The following PTH1R variants were observed in gnomAD, a reference collection of about 807,000 sequenced individuals.
PTH1R encodes parathyroid hormone 1 receptor, also known as parathyroid hormone/parathyroid hormone-related peptide receptor.
PTH1R carries 32 observed loss-of-function variants against 70.7 expected under a neutral mutation model. That is an observed-to-expected ratio of 0.45 (90% CI 0.34 to 0.61). The LOEUF is 0.61. Among genes scored for constraint, PTH1R ranks in the 20% least tolerant of loss-of-function variants. The pLI, the probability that PTH1R is intolerant of heterozygous loss-of-function variation, is 0.01. For synonymous variants in PTH1R, 329 were observed against 324.8 expected (o/e 1.01, Z -0.14); for missense variants, 626 against 792.5 (o/e 0.79, Z 2.52).
In PTH1R at chr3:46,899,436, G is replaced by A; in HGVS notation, c.968G>A (p.Gly323Asp). The change falls in exon 10 of 16, where the codon GGC (glycine) becomes GAC (aspartate). Residue 323 changes from glycine to aspartate, a missense_variant. Gly to Asp is a moderately conservative substitution (Grantham distance 94). Around this residue, in one of 3 missense-constraint regions of PTH1R, gnomAD observed 495 missense variants for 638.7 expected, o/e 0.77. Coordinates refer to ENST00000449590, the MANE Select transcript of PTH1R (RefSeq NM_000316.3). ...AFFSEKKYLW[G>D]FTVFGWGLPA... The stretch of plus-strand genomic sequence containing the variant: ...TTCTCAGAGAAGAAGTACCTGTGGG[G>A]CTTCACAGTCTTCGGCTGGGGTACG... 6.2e-7 allele frequency: 1 copy of A among 1,612,752 alleles called. No homozygotes were observed. Among genetic ancestry groups the A allele is most frequent in the Non-Finnish European group, 8.5e-7 (1 of 1,179,746 alleles).
intron 5 of PTH1R, among the ~76,000 whole-genome samples, chr3:46,897,201 C>T (rs1316198984): frequency 6.6e-6 from 1 of 152,202 alleles, no homozygotes; most frequent in African/African-American, 2.4e-5. Flanking sequence ...AGAGGCCTGG[C>T]CTGGGGCTGA....
intron 10 of PTH1R, among the ~76,000 whole-genome samples, chr3:46,899,872 G>A (rs1471280159): frequency 6.6e-6 from 1 of 152,166 alleles, no homozygotes; most frequent in Non-Finnish European, 1.5e-5. Flanking sequence ...TGGGGCGCGG[G>A]GCTGCCCACA....
intron 5 of PTH1R, 149 bp from the exon 6 acceptor site, chr3:46,897,706 G>C (rs1241690096): frequency 2.7e-6 from 2 of 750,662 alleles, no homozygotes; most frequent in Non-Finnish European, 2.3e-6. Context: ...CCTCCAGCCT[G>C]AGCAACAAAA....
rs777799857 is a variant in PTH1R at position 46,901,746 on chromosome 3, C to T, written c.1117-20C>T. 1.2e-6 allele frequency: 2 copies of T among 1,609,104 alleles called. No homozygotes were observed. The highest frequency in any genetic ancestry group is 1.7e-5 in the Admixed American group (1 of 60,012). On this transcript the variant is annotated intron_variant, in intron 12 of 15. Transcript: ENST00000449590. This position sits in a 1 kb window ranked among gnomAD's most constrained non-coding sequence, Gnocchi z 7.3. ...CCCACTAGGGTGCAGCCTCCAGACG[C>T]AGCCCCCTCACTCCCACAGCTCAAC...
chr3:46,899,227 GC>G, intron 9 of PTH1R, 75 bp from the exon 10 acceptor site: 1 of 1,599,034 alleles, frequency 6.3e-7, no homozygotes. Context: ...CTCTCCTGCC[GC>G]CCCAGCCCCC....
At chr3:46,881,464 T>C (rs1025797046) in intron 2 of PTH1R, among the ~76,000 whole-genome samples, 3 of 150,160 alleles carry the variant, frequency 2.0e-5, no homozygotes, top group Admixed American at 2.0e-4. Context: ...GGGAGGGAGG[T>C]GAAGCCTGAG....
chr3:46,892,337 C>A lies in PTH1R; in HGVS notation c.76-1570C>A, dbSNP rs1314979851. ...ACACGCCGCCCTATGCCCAGAAATA[C>A]ATGTGCACGTGCATGCTCACAAACA... On this transcript the variant is annotated intron_variant, in intron 3 of 15. Transcript: ENST00000449590. The surrounding 1 kb of genome is among the most constrained non-coding windows in gnomAD (Gnocchi z 5.2). Among the ~76,000 whole-genome samples, 3 of 152,258 alleles carry A rather than the reference C, an allele frequency of 2.0e-5. No individual in the cohort carries two copies. Among genetic ancestry groups the A allele is most frequent in the Admixed American group, 6.5e-5 (1 of 15,288 alleles).
rs2031459137 is a variant in PTH1R, at chr3:46,892,281, T to C, written c.76-1626T>C. Among the ~76,000 whole-genome samples the C allele has an allele frequency of 1.3e-5, 2 of 151,994 alleles. No individual in the cohort carries two copies. The highest frequency in any genetic ancestry group is 2.4e-5 in the African/African-American group (1 of 41,370). On this transcript the variant is annotated intron_variant, in intron 3 of 15. Transcript: ENST00000449590. This position sits in a 1 kb window ranked among gnomAD's most constrained non-coding sequence, Gnocchi z 5.2. ...ACGGGCCACCCACAGACGCAAAGGC[T>C]AAGGAGCTGCCGCCTCACTCACAGA... is the stretch of plus-strand genomic sequence containing the variant.
intron 3 of PTH1R, among the ~76,000 whole-genome samples, chr3:46,890,513 T>C (rs1415278053): frequency 6.7e-6 from 1 of 148,480 alleles, no homozygotes; most frequent in Non-Finnish European, 1.5e-5. Context: ...TTTTTTTTTT[T>C]TTTTTTTGAG....
rs1358477136 is a variant in PTH1R at position 46,883,619 on chromosome 3, C to CT, written c.61dup (p.Ser21PhefsTer10). 1 of 1,544,962 alleles carries CT rather than the reference C, an allele frequency of 6.5e-7. No homozygotes were observed. Among genetic ancestry groups the CT allele is most frequent in the Non-Finnish European group, 8.7e-7 (1 of 1,146,790 alleles). ...TCCTGCTCTGCTGCCCCGTGCTCAG[C>CT]TCCGCGTACGCGCTGGTGAGTCCCC... On this transcript the variant is annotated frameshift_variant, in exon 3 of 16. Transcript: ENST00000449590. LOFTEE classifies it high-confidence loss of function. This position sits in a 1 kb window ranked among gnomAD's most constrained non-coding sequence, Gnocchi z 6.4.
rs138590819 is a variant in PTH1R at position 46,890,627 on chromosome 3, C to T, written c.76-3280C>T. Among the ~76,000 whole-genome samples the T allele has an allele frequency of 1.4e-4, 21 of 151,836 alleles. No individual in the cohort carries two copies. In the East Asian group the frequency reaches 4.1e-3, roughly 29 times the overall value. On this transcript the variant is annotated intron_variant, in intron 3 of 15. Coordinates refer to ENST00000449590, the MANE Select transcript of PTH1R (RefSeq NM_000316.3). ...GAGCGATTCTGCTGCCTCGGCCTCC[C>T]GAGTAGCTGGGATTACAGGCGCACC...
chr3:46,897,708 G>A (rs1469095520), intron 5 of PTH1R, 147 bp from the exon 6 acceptor site: 10 of 758,156 alleles, frequency 1.3e-5, no homozygotes, highest in African/African-American at 1.7e-5. Context: ...TCCAGCCTGA[G>A]CAACAAAAGC....
intron 2 of PTH1R, 109 bp downstream of exon 2, chr3:46,881,227 C>A (rs1251344877): frequency 2.0e-5 from 3 of 152,354 alleles, no homozygotes; most frequent in Non-Finnish European, 2.9e-5. Flanking sequence ...CATCCCCAGC[C>A]CCTCCCTCTG....
intron 3 of PTH1R, among the ~76,000 whole-genome samples, chr3:46,889,528 G>A (rs1004793747): frequency 1.3e-5 from 2 of 152,126 alleles, no homozygotes; most frequent in African/African-American, 4.8e-5. Context: ...TCCTCTTTCT[G>A]TGACTCTTGG....
At position 46,901,362 on chromosome 3, in the gene PTH1R, G is replaced by C; in HGVS notation, c.1050-52G>C. 1.3e-6 allele frequency: 2 copies of C among 1,548,694 alleles called. No homozygotes were observed. Among genetic ancestry groups the C allele is most frequent in the Non-Finnish European group, 1.7e-6 (2 of 1,144,394 alleles). ...GACCAAATCTGGGTCTCTGTGGGCA[G>C]TCTTAGGATGGGAACAGGAGGGATG... On this transcript the variant is annotated intron_variant, in intron 11 of 15. Transcript: ENST00000449590. The surrounding 1 kb of genome is among the most constrained non-coding windows in gnomAD (Gnocchi z 7.3).
chr3:46,897,744 CAAAACA>C (rs1205103149), intron 5 of PTH1R, 105 bp from the exon 6 acceptor site: 19 of 1,085,468 alleles, frequency 1.8e-5, no homozygotes, highest in African/African-American at 9.3e-5. Context: ...AAAAACAAAA[CAAAACA>C]AAAACAAAAA....
Position 46,898,361 on chromosome 3 carries a change from C to G in PTH1R, c.544-17C>G. 6.2e-7 allele frequency: 1 copy of G among 1,611,680 alleles called. No individual in the cohort carries two copies. Among genetic ancestry groups the G allele is most frequent in the Non-Finnish European group, 8.5e-7 (1 of 1,177,952 alleles). Reference sequence around the variant, plus strand: ...GGGTCCCAGGGCTCTGACTGTGTCTCCCCCCGCCCCGCACAGGAGGTGTTT... The same window carrying G: ...GGGTCCCAGGGCTCTGACTGTGTCTGCCCCCGCCCCGCACAGGAGGTGTTT... On this transcript the variant is annotated splice_polypyrimidine_tract_variant and intron_variant, in intron 7 of 15. Coordinates refer to ENST00000449590, the MANE Select transcript of PTH1R (RefSeq NM_000316.3).
intron 8 of PTH1R, 77 bp from the exon 9 acceptor site, chr3:46,898,585 G>A (rs905616141): frequency 6.2e-7 from 1 of 1,601,102 alleles, no homozygotes; most frequent in African/African-American, 1.3e-5. Context: ...CCCTACCTAC[G>A]GCGCACAACC....
Position 46,898,437 on chromosome 3 carries a change from C to T in PTH1R, c.603C>T (p.Ser201=). 1.2e-6 allele frequency: 2 copies of T among 1,614,060 alleles called. No homozygotes were observed. The highest frequency in any genetic ancestry group is 1.7e-6 in the Non-Finnish European group (2 of 1,180,024). ...TGGGCTACTCCGTGTCCCTGGCGTC[C>T]CTCACCGTAGCTGTGCTCATCCTGG... is the stretch of plus-strand genomic sequence containing the variant. The part of the protein sequence containing the change: ...YTVGYSVSLA[S]LTVAVLILAY... The change falls in exon 8 of 16, where the codon TCC becomes TCT. Residue 201 remains serine (S), a synonymous_variant. Transcript: ENST00000449590.
Sources: allele counts gnomAD v4.1 joint callset (sites outside exome capture counted in the v4.1 genomes callset), GRCh38; gene constraint gnomAD v4.1.1; regional missense constraint gnomAD v4.1.1; non-coding constraint Gnocchi (gnomAD v3.1); transcripts MANE v1.5; gene names NCBI Gene and HGNC (gene_info 2026-07-23, HGNC 2026-07-21).